RUBCNL: variants seen among roughly 807,000 people sequenced by gnomAD.
RUBCNL encodes protein associated with UVRAG as autophagy enhancer.
RUBCNL carries 62 observed loss-of-function variants against 69.5 expected under a neutral mutation model. That is an observed-to-expected ratio of 0.89 (90% CI 0.73 to 1.10). The LOEUF is 1.10. RUBCNL is among the 50% of genes least tolerant of loss of function. The probability of loss-of-function intolerance (pLI) is 0.00; values close to 1 mark genes in which losing one functional copy is unlikely to be tolerated. For missense variants in RUBCNL, 768 were observed against 798.1 expected, an observed-to-expected ratio of 0.96 and a Z score of 0.45; for synonymous variants, 291 against 303.6, an observed-to-expected ratio of 0.96 and a Z score of 0.43.
chr13:46,349,448 C>T, intron 11 of RUBCNL, 101 bp from the exon 12 acceptor site: 2 of 1,153,460 alleles, frequency 1.7e-6, no homozygotes, highest in East Asian at 2.4e-5. Context: ...TGAAATGCTG[C>T]ACTTGTATAA....
At chr13:46,346,728 A>AC in intron 12 of RUBCNL, among the ~76,000 whole-genome samples, 1 of 152,232 alleles carries the variant, frequency 6.6e-6, no homozygotes, top group South Asian at 2.1e-4. Flanking sequence ...TTAATTAAAA[A>AC]GCAATACATC....
At chr13:46,362,947 T>TATATAG (rs2048656718) in intron 6 of RUBCNL, among the ~76,000 whole-genome samples, 168 bp downstream of exon 6, 1 of 62,026 alleles carries the variant, frequency 1.6e-5, no homozygotes, top group Non-Finnish European at 2.8e-5. Context: ...TAGATATATA[T>TATATAG]ATATATATAT....
At chr13:46,387,575 C>T, upstream of RUBCNL, 1 of 985,470 alleles carries the variant, frequency 1.0e-6, no homozygotes. Flanking sequence ...GACTTCCCAA[C>T]CCCAGATGCC....
rs939055093 is a variant in RUBCNL, at chr13:46,340,821, A to C, written c.*2564T>G. Among the ~76,000 whole-genome samples, 3 of 152,106 alleles carry C rather than the reference A, an allele frequency of 2.0e-5. No homozygotes were observed. The highest frequency in any genetic ancestry group is 1.3e-4 in the Admixed American group (2 of 15,278). On this transcript the variant is annotated 3_prime_UTR_variant, in exon 15 of 15. Coordinates refer to ENST00000429979, the MANE Select transcript of RUBCNL (RefSeq NM_025113.5). ...TCATGGGAACTAAGAGTGAGAACTC[A>C]CTCATCACCACAAAGGTGCCACCAA...
chr13:46,343,155 T>A lies in RUBCNL; in HGVS notation c.*230A>T. ...ATAAAAAACCTCTTTAAAAAACCAA[T>A]AGCAGCCAAAACAGAACATTTGTAA... On this transcript the variant is annotated 3_prime_UTR_variant, in exon 15 of 15. Coordinates refer to ENST00000429979, the MANE Select transcript of RUBCNL (RefSeq NM_025113.5). The A allele has an allele frequency of 1.5e-6, 1 of 654,052 alleles. No homozygotes were observed. The allele number at this position is 654,052 out of a possible 1,614,324, so 40.5% of individuals were successfully genotyped here.
rs139806863 is a variant in RUBCNL, at chr13:46,339,530, C to T, written c.*3855G>A. On this transcript the variant is annotated 3_prime_UTR_variant, in exon 15 of 15. Coordinates refer to ENST00000429979, the MANE Select transcript of RUBCNL (RefSeq NM_025113.5). The stretch of plus-strand genomic sequence containing the variant: ...CGTTCCTTCCAGCAGGTTTGAATTC[C>T]GAAGTCTCAGACAAATGACCACACT... Among the ~76,000 whole-genome samples, 3,033 of 152,152 alleles carry T rather than the reference C, an allele frequency of 0.02. 47 individuals carry two copies. The highest frequency in any genetic ancestry group is 0.044 in the Middle Eastern group (13 of 294).
intron 12 of RUBCNL, among the ~76,000 whole-genome samples, chr13:46,346,537 A>T (rs909232120): frequency 6.6e-6 from 1 of 151,986 alleles, no homozygotes; most frequent in African/African-American, 2.4e-5. Flanking sequence ...AGATCTACTA[A>T]TTTTTTTTAT....
intron 10 of RUBCNL, among the ~76,000 whole-genome samples, chr13:46,355,985 T>A (rs148472469): frequency 3.7e-4 from 56 of 152,314 alleles, no homozygotes; most frequent in African/African-American, 1.2e-3. Flanking sequence ...CATGGGATTG[T>A]CTGTGGCCAG....
upstream of RUBCNL, chr13:46,387,293 C>A: frequency 2.0e-6 from 2 of 985,458 alleles, no homozygotes; most frequent in Non-Finnish European, 2.4e-6. Flanking sequence ...GACGCCCCGA[C>A]GCCGCCACGC....
In RUBCNL at chr13:46,339,955, C is replaced by A. The variant is rs796546888; in HGVS notation, c.*3430G>T. On this transcript the variant is annotated 3_prime_UTR_variant, in exon 15 of 15. Coordinates refer to ENST00000429979, the MANE Select transcript of RUBCNL (RefSeq NM_025113.5). ...CAGAAGTTTGAAATCAAGGGGTCAG[C>A]CATGTTGGGTTTTTTTTTTAAGGCT... Among the ~76,000 whole-genome samples the A allele has an allele frequency of 2.0e-5, 3 of 152,098 alleles. No homozygotes were observed. The highest frequency in any genetic ancestry group is 4.8e-5 in the African/African-American group (2 of 41,516).
At chr13:46,368,522 T>C in intron 4 of RUBCNL, 1 of 984,476 alleles carries the variant, frequency 1.0e-6, no homozygotes, top group Non-Finnish European at 1.2e-6. Flanking sequence ...CCAGACATCA[T>C]TCATCAATCA....
chr13:46,371,840 A>T, intron 3 of RUBCNL, 101 bp downstream of exon 3: 1 of 1,193,886 alleles, frequency 8.4e-7, no homozygotes. Flanking sequence ...TAGATGAGGC[A>T]ATGCATTGTC....
Position 46,372,459 on chromosome 13 carries a change from G to A in RUBCNL, c.17C>T (p.Thr6Ile), listed in dbSNP as rs781655841. 11 of 1,606,130 alleles carry A rather than the reference G, an allele frequency of 6.8e-6. No homozygotes were observed. In the South Asian group the frequency reaches 1.0e-4, roughly 15 times the overall value. Residue 6 changes from threonine (T) to isoleucine (I), a missense_variant, in exon 3 of 15, where the codon ACA (threonine) becomes ATA (isoleucine). Thr to Ile is a moderately conservative substitution (Grantham distance 89). Transcript: ENST00000429979. ...CTCCACAGGAGAATCCTGCCTGACTGTAGATTGTGACACCATCTTTCCAGG... is the reference window on the plus strand; with the variant it reads ...CTCCACAGGAGAATCCTGCCTGACTATAGATTGTGACACCATCTTTCCAGG... MVSQS[T>I]VRQDSPVEPW...
At chr13:46,382,268 A>C (rs1031945069) in intron 1 of RUBCNL, among the ~76,000 whole-genome samples, 1 of 152,240 alleles carries the variant, frequency 6.6e-6, no homozygotes, top group Non-Finnish European at 1.5e-5. Flanking sequence ...AAAGAGCACA[A>C]GCTACACACC....
At chr13:46,345,756 G>A (rs952330649) in intron 12 of RUBCNL, among the ~76,000 whole-genome samples, 156 bp from the exon 13 acceptor site, 2 of 151,964 alleles carry the variant, frequency 1.3e-5, no homozygotes, top group African/African-American at 2.4e-5. Context: ...AACCATGCTC[G>A]CCACCATTCT....
At chr13:46,363,043 G>T in intron 6 of RUBCNL, 72 bp downstream of exon 6, 2 of 702,034 alleles carry the variant, frequency 2.8e-6, no homozygotes, top group Non-Finnish European at 4.5e-6. Flanking sequence ...TGTGTGTGAT[G>T]CATGTTAGTG....
chr13:46,383,518 TAC>T (rs147443161), intron 1 of RUBCNL, among the ~76,000 whole-genome samples: 1 of 151,974 alleles, frequency 6.6e-6, no homozygotes, highest in African/African-American at 2.4e-5. Flanking sequence ...CCAAATTTTC[TAC>T]ACACACACAC....
In RUBCNL at chr13:46,337,620, G is replaced by A. The variant is rs531347796; in HGVS notation, c.*5765C>T. Among the ~76,000 whole-genome samples the A allele has an allele frequency of 5.9e-5, 9 of 152,204 alleles. No homozygotes were observed. Among genetic ancestry groups the A allele is most frequent in the East Asian group, 3.9e-4 (2 of 5,186 alleles). Reference sequence around the variant, plus strand: ...TTCTGTTGTTTATTATCCACCTAGCGTAAGGTATTTTATTATAGCAGCCTA... The same window carrying A: ...TTCTGTTGTTTATTATCCACCTAGCATAAGGTATTTTATTATAGCAGCCTA... On this transcript the variant is annotated 3_prime_UTR_variant, in exon 15 of 15. Transcript: ENST00000429979.
rs2048143164 is a variant in RUBCNL at position 46,341,600 on chromosome 13, A to C, written c.*1785T>G. The stretch of plus-strand genomic sequence containing the variant: ...ACAGGCTCATCAGTGCCTTACAAAC[A>C]TACAAACCCTGAGCACAGAGCCCTT... On this transcript the variant is annotated 3_prime_UTR_variant, in exon 15 of 15. Coordinates refer to ENST00000429979, the MANE Select transcript of RUBCNL (RefSeq NM_025113.5). Among the ~76,000 whole-genome samples, 1 of 152,228 alleles carries C rather than the reference A, an allele frequency of 6.6e-6. No individual in the cohort carries two copies.
Sources: gnomAD v4.1 joint callset for allele counts (sites outside exome capture counted in the v4.1 genomes callset) on GRCh38, gnomAD v4.1.1 for gene constraint, MANE v1.5 for transcripts, NCBI Gene and HGNC (gene_info 2026-07-23, HGNC 2026-07-21) for gene names.